Variants in NHSL2 observed in about 807,000 individuals in gnomAD.
NHSL2 encodes the protein NHS like 2.
Under a neutral mutation model 53.4 loss-of-function variants are expected in NHSL2, and 27 were observed. The ratio of observed to expected loss-of-function variants is 0.51; its 90% CI spans 0.37 to 0.70. The LOEUF is 0.70. NHSL2 is among the 30% of genes least tolerant of loss of function. The probability of loss-of-function intolerance (pLI) is 0.00; values close to 1 mark genes in which losing one functional copy is unlikely to be tolerated. For synonymous variants in NHSL2, 408 were observed against 404.1 expected, an observed-to-expected ratio of 1.01 and a Z score of -0.12; for missense variants, 892 against 980.1, an observed-to-expected ratio of 0.91 and a Z score of 1.20.
Position 71,911,378 on chromosome X carries a change from C to G in NHSL2, c.280+11C>G, listed in dbSNP as rs775172707. 24 of 1,048,191 alleles carry G rather than the reference C, an allele frequency of 2.3e-5. No homozygotes were observed. The African/African-American group carries it at 4.7e-4, about 20-fold the overall frequency. 86.4% of individuals were successfully genotyped at this position (1,048,191 alleles called of 1,213,427 possible). A position where few individuals can be genotyped will look rare whatever the true frequency, so the allele number is the denominator to read the frequency against. ...ACGAGGAAGAGCTAGGTAAAAACGG[C>G]GCCCCGGTGGCTCGCGGCCCCGCGT... On this transcript the variant is annotated intron_variant, in intron 1 of 7. Transcript: ENST00000633930.
At chrX:72,130,181 C>G in intron 1 of NHSL2, 2 of 1,210,544 alleles carry the variant, frequency 1.7e-6, no homozygotes, top group Non-Finnish European at 2.2e-6. Flanking sequence ...TCCAGTGGCT[C>G]CTCCTCCACC....
At chrX:72,032,213 G>A (rs1020094475) in intron 1 of NHSL2, among the ~76,000 whole-genome samples, 2 of 111,249 alleles carry the variant, frequency 1.8e-5, no homozygotes, top group Non-Finnish European at 3.8e-5. Flanking sequence ...ACAACATGGC[G>A]AAACCCCATC....
chrX:72,130,655 C>T (rs373245146), intron 1 of NHSL2: 42 of 1,210,050 alleles, frequency 3.5e-5, no homozygotes, highest in Non-Finnish European at 4.0e-5. Flanking sequence ...TCATCCAGGT[C>T]GGCCATTTCT....
intron 1 of NHSL2, chrX:71,966,169 C>A (rs1271289027): frequency 8.9e-6 from 1 of 112,679 alleles, no homozygotes; most frequent in African/African-American, 3.2e-5. Context: ...TTGTGTCCTG[C>A]AACCTTGTAT....
chrX:72,132,187 A>G lies in NHSL2; in HGVS notation c.389A>G (p.Glu130Gly), dbSNP rs1443492237. The stretch of plus-strand genomic sequence containing the variant: ...TCCTCGGGCAGGCCCCCGAGTGTAG[A>G]GGAGCTGCTTCGGGAGGCGCAGCTC... ...FLSSGRPPSVEELLREAQLNL... is the reference protein window; with the variant it reads ...FLSSGRPPSVGELLREAQLNL... Residue 130 changes from glutamate to glycine, a missense_variant, in exon 2 of 8, where the codon GAG becomes GGG. By Grantham distance (98) the Glu-to-Gly change is moderately conservative (BLOSUM62 -2). Coordinates refer to ENST00000633930, the MANE Select transcript of NHSL2 (RefSeq NM_001013627.3). 1.4e-5 allele frequency: 16 copies of G among 1,164,519 alleles called. No homozygotes were observed. Among genetic ancestry groups the G allele is most frequent in the Non-Finnish European group, 1.8e-5 (16 of 871,738 alleles).
chrX:71,958,034 C>T (rs59230910), intron 1 of NHSL2, among the ~76,000 whole-genome samples: 3,522 of 107,135 alleles, frequency 0.033, 139 homozygotes, highest in African/African-American at 0.11. Flanking sequence ...AGGTGACATT[C>T]GAGCTGGTTT....
At position 72,132,249 on chromosome X, in the gene NHSL2, G is replaced by T; in HGVS notation, c.436+15G>T. On this transcript the variant is annotated intron_variant, in intron 2 of 7. Transcript: ENST00000633930. ...CCTGTTGCAAGGTACCGAGAGGGAG[G>T]GGGGCTGCGGCCGGAGCCCAGAAGC... 8.7e-7 allele frequency: 1 copy of T among 1,143,330 alleles called. No individual in the cohort carries two copies. Among genetic ancestry groups the T allele is most frequent in the Non-Finnish European group, 1.2e-6 (1 of 859,027 alleles). The allele number at this position is 1,143,330 out of a possible 1,213,427, so 94.2% of individuals were successfully genotyped here.
intron 1 of NHSL2, among the ~76,000 whole-genome samples, chrX:71,921,207 C>T (rs1368073021): frequency 9.2e-6 from 1 of 109,184 alleles, no homozygotes; most frequent in Non-Finnish European, 1.9e-5. Flanking sequence ...CATCTGAAGT[C>T]AGGAGTTTGA....
At chrX:72,052,784 G>T (rs951071643) in intron 1 of NHSL2, among the ~76,000 whole-genome samples, 2 of 111,694 alleles carry the variant, frequency 1.8e-5, no homozygotes, top group Non-Finnish European at 3.8e-5. Context: ...GTAGGTGGGG[G>T]CCTCTCCTGA....
chrX:71,951,803 G>T (rs1026820824), intron 1 of NHSL2, among the ~76,000 whole-genome samples: 3 of 112,355 alleles, frequency 2.7e-5, no homozygotes, highest in African/African-American at 9.7e-5. Context: ...TGCTTTGAAG[G>T]CTGCAACCTT....
chrX:71,924,827 A>G (rs1384597364), intron 1 of NHSL2, among the ~76,000 whole-genome samples: 1 of 112,627 alleles, frequency 8.9e-6, no homozygotes, highest in Non-Finnish European at 1.9e-5. Context: ...GTATTTGCTA[A>G]TGGAGGTAAT....
At chrX:72,030,955 C>T (rs1203258306) in intron 1 of NHSL2, among the ~76,000 whole-genome samples, 2 of 111,357 alleles carry the variant, frequency 1.8e-5, no homozygotes, top group Non-Finnish European at 1.9e-5. Flanking sequence ...AGGAGAGAAT[C>T]GTTCATAGGA....
Position 72,148,566 on chromosome X carries a change from A to G in NHSL2, c.*4992A>G, listed in dbSNP as rs1244890787. 8.9e-6 allele frequency: 1 copy of G among 112,222 alleles called. No homozygotes were observed. The highest frequency in any genetic ancestry group is 1.9e-5 in the Non-Finnish European group (1 of 53,328). 9.2% of individuals were successfully genotyped at this position (112,222 alleles called of 1,213,427 possible). A position where few individuals can be genotyped will look rare whatever the true frequency, so the allele number is the denominator to read the frequency against. ...TTTGTCAAAAGGCAGCAAAAAGTAT[A>G]ATGATATAAACATAATATGAAATAA... On this transcript the variant is annotated 3_prime_UTR_variant, in exon 8 of 8. Transcript: ENST00000633930.
rs2080343784 is a variant in NHSL2 at position 71,995,528 on chromosome X, C to T, written c.280+84161C>T. On this transcript the variant is annotated intron_variant, in intron 1 of 7. Transcript: ENST00000633930. ...CCACACTGGCCTCCTCACTGATCCC[C>T]AAACAGCCTCCAGGGGCTTTGCATT... is the stretch of plus-strand genomic sequence containing the variant. 3.6e-5 allele frequency among the ~76,000 whole-genome samples: 4 copies of T among 111,927 alleles called. No individual in the cohort carries two copies. In the Admixed American group the frequency reaches 3.8e-4, roughly 11 times the overall value.
Position 72,143,564 on chromosome X carries a change from C to T in NHSL2, c.3668C>T (p.Pro1223Leu), listed in dbSNP as rs991087253. 1 of 1,144,053 alleles carries T rather than the reference C, an allele frequency of 8.7e-7. No individual in the cohort carries two copies. The highest frequency in any genetic ancestry group is 1.2e-6 in the Non-Finnish European group (1 of 856,453). 94.3% of individuals were successfully genotyped at this position (1,144,053 alleles called of 1,213,427 possible). A position where few individuals can be genotyped will look rare whatever the true frequency, so the allele number is the denominator to read the frequency against. Residue 1223 changes from proline (P) to leucine (L), a missense_variant, in exon 8 of 8, where the codon CCC becomes CTC. Coordinates refer to ENST00000633930, the MANE Select transcript of NHSL2 (RefSeq NM_001013627.3). ...FSKDYETTDN[P>L]ST Reference sequence around the variant, plus strand: ...AAAGACTATGAAACCACCGATAACCCCAGTACCTAAGCCCTGGGCTCAACA... The same window carrying T: ...AAAGACTATGAAACCACCGATAACCTCAGTACCTAAGCCCTGGGCTCAACA...
At chrX:72,008,850 G>T (rs1012556046) in intron 1 of NHSL2, among the ~76,000 whole-genome samples, 3 of 111,764 alleles carry the variant, frequency 2.7e-5, no homozygotes, top group Non-Finnish European at 3.8e-5. Context: ...TCTCTGGCCT[G>T]GATTATTTTA....
chrX:72,050,973 A>G lies in NHSL2; in HGVS notation c.281-81106A>G, dbSNP rs772109796. On this transcript the variant is annotated intron_variant, in intron 1 of 7. Coordinates refer to ENST00000633930, the MANE Select transcript of NHSL2 (RefSeq NM_001013627.3). ...CCGACGTCCCTGCATTCTCCTCCTCAGTCCTATTTTTTATTGTCTGGGCTG... is the reference window on the plus strand; with the variant it reads ...CCGACGTCCCTGCATTCTCCTCCTCGGTCCTATTTTTTATTGTCTGGGCTG... Among the ~76,000 whole-genome samples the G allele has an allele frequency of 1.1e-3, 123 of 111,043 alleles. 1 individual carries two copies. Among genetic ancestry groups the G allele is most frequent in the African/African-American group, 3.9e-3 (118 of 30,575 alleles).
intron 1 of NHSL2, among the ~76,000 whole-genome samples, chrX:71,967,039 A>C (rs1183141182): frequency 8.9e-6 from 1 of 111,961 alleles, no homozygotes. Context: ...CATTCAAGGA[A>C]TTGGTTCATT....
intron 1 of NHSL2, among the ~76,000 whole-genome samples, chrX:71,917,754 G>C (rs1367451860): frequency 9.0e-6 from 1 of 111,356 alleles, no homozygotes; most frequent in Non-Finnish European, 1.9e-5. Context: ...GTGGGGGAAG[G>C]AATTCCTGGC....
Sources: allele counts gnomAD v4.1 joint callset (sites outside exome capture counted in the v4.1 genomes callset), GRCh38; gene constraint gnomAD v4.1.1; transcripts MANE v1.5; gene names NCBI Gene and HGNC (gene_info 2026-07-23, HGNC 2026-07-21).